Variants in CNTNAP5 observed in about 807,000 individuals in gnomAD.
The protein encoded by CNTNAP5 is contactin associated protein family member 5.
Under a neutral mutation model 150.2 loss-of-function variants are expected in CNTNAP5, and 72 were observed. The ratio of observed to expected loss-of-function variants is 0.48; its 90% CI spans 0.40 to 0.58. The LOEUF is 0.58. CNTNAP5 is among the 20% of genes least tolerant of loss of function. The pLI, the probability that CNTNAP5 is intolerant of heterozygous loss-of-function variation, is 0.00. For synonymous variants in CNTNAP5, 672 were observed against 619.8 expected (o/e 1.08, Z -1.25); for missense variants, 1,636 against 1,626.2 (o/e 1.01, Z -0.10).
At chr2:124,505,589 A>G (rs895184150) in intron 8 of CNTNAP5, among the ~76,000 whole-genome samples, 1 of 152,192 alleles carries the variant, frequency 6.6e-6, no homozygotes, top group Non-Finnish European at 1.5e-5. Flanking sequence ...GCCATGTACT[A>G]CAGATCTTAC....
chr2:124,397,361 G>A (rs926992349), intron 3 of CNTNAP5, among the ~76,000 whole-genome samples: 5 of 152,108 alleles, frequency 3.3e-5, no homozygotes, highest in South Asian at 2.1e-4. Flanking sequence ...TTCCTGGTGC[G>A]CAGGTGGCTG....
At chr2:124,084,924 G>GGTTTTTTTTTTT (rs1682645884) in intron 1 of CNTNAP5, among the ~76,000 whole-genome samples, 1 of 89,980 alleles carries the variant, frequency 1.1e-5, no homozygotes, top group Non-Finnish European at 2.0e-5. Flanking sequence ...CAAGTTTCCT[G>GGTTTTTTTTTTT]TTTTTTTTTT....
chr2:124,645,669 G>A (rs1165591504), intron 12 of CNTNAP5, among the ~76,000 whole-genome samples: 2 of 152,206 alleles, frequency 1.3e-5, no homozygotes, highest in African/African-American at 4.8e-5. Context: ...CAGAATGTTT[G>A]AGCACAGTTT....
At chr2:124,701,761 A>T (rs1679525903) in intron 13 of CNTNAP5, among the ~76,000 whole-genome samples, 3 of 152,114 alleles carry the variant, frequency 2.0e-5, no homozygotes, top group African/African-American at 7.2e-5. Flanking sequence ...TTCCTTGATG[A>T]TGAATGATGC....
chr2:124,537,021 GGTGT>G (rs1041910395), intron 10 of CNTNAP5, among the ~76,000 whole-genome samples: 1 of 151,200 alleles, frequency 6.6e-6, no homozygotes, highest in Non-Finnish European at 1.5e-5. Context: ...GACAATGTGT[GGTGT>G]GTGTGTGTGT....
At chr2:124,425,336 A>G (rs902702929) in intron 4 of CNTNAP5, among the ~76,000 whole-genome samples, 15 of 152,242 alleles carry the variant, frequency 9.9e-5, no homozygotes, top group African/African-American at 2.4e-5. Flanking sequence ...ATTGCTATTT[A>G]AATGACTCTC....
intron 1 of CNTNAP5, among the ~76,000 whole-genome samples, chr2:124,103,943 G>A (rs139030720): frequency 1.4e-4 from 20 of 145,216 alleles, no homozygotes; most frequent in African/African-American, 4.5e-4. Context: ...TATAATTTAA[G>A]CATTATATAT....
intron 1 of CNTNAP5, among the ~76,000 whole-genome samples, chr2:124,194,701 T>C (rs1182489335): frequency 1.3e-5 from 2 of 150,434 alleles, no homozygotes; most frequent in African/African-American, 4.9e-5. Flanking sequence ...ATTATAATCA[T>C]ATAACATAAT....
chr2:124,629,459 C>A (rs998945030), intron 12 of CNTNAP5, among the ~76,000 whole-genome samples: 4 of 152,190 alleles, frequency 2.6e-5, no homozygotes, highest in African/African-American at 9.7e-5. Context: ...TCCTGAATGA[C>A]TCCTGGGTAA....
chr2:124,414,764 C>G (rs2104774341), intron 3 of CNTNAP5, among the ~76,000 whole-genome samples: 1 of 151,908 alleles, frequency 6.6e-6, no homozygotes, highest in South Asian at 2.1e-4. Flanking sequence ...CAAATTATGC[C>G]AAACTCAGAA....
intron 1 of CNTNAP5, among the ~76,000 whole-genome samples, chr2:124,151,828 C>T (rs944300505): frequency 5.3e-5 from 8 of 152,116 alleles, no homozygotes; most frequent in African/African-American, 1.4e-4. Context: ...TAGTTTAGCC[C>T]GGACATACAC....
intron 19 of CNTNAP5, among the ~76,000 whole-genome samples, chr2:124,811,867 G>T (rs544688942): frequency 6.9e-6 from 1 of 145,558 alleles, no homozygotes; most frequent in African/African-American, 2.6e-5. Context: ...GCTTGAACCC[G>T]GGAGGCAGAG....
rs527412044 is a variant in CNTNAP5, at chr2:124,201,902, A to G, written c.83-19803A>G. On this transcript the variant is annotated intron_variant, in intron 1 of 23. Coordinates refer to ENST00000682447, the MANE Select transcript of CNTNAP5 (RefSeq NM_001367498.1). ...TCATCTTAGTATCAACATTGGCAAA[A>G]GTTATGGACTCTGTTCATTAGCCTC... is the stretch of plus-strand genomic sequence containing the variant. Among the ~76,000 whole-genome samples the G allele has an allele frequency of 4.6e-5, 7 of 152,280 alleles. No individual in the cohort carries two copies. The South Asian group carries it at 1.5e-3, about 32-fold the overall frequency.
intron 7 of CNTNAP5, among the ~76,000 whole-genome samples, chr2:124,478,613 G>A (rs760812224): frequency 1.4e-4 from 22 of 151,984 alleles, no homozygotes; most frequent in Non-Finnish European, 2.4e-4. Context: ...GTTAAATACC[G>A]AAGTACAAAC....
chr2:124,234,387 A>T (rs1457493801), intron 2 of CNTNAP5, among the ~76,000 whole-genome samples: 1 of 152,220 alleles, frequency 6.6e-6, no homozygotes, highest in East Asian at 1.9e-4. Flanking sequence ...TATGCAAGGT[A>T]TTCACTAGCA....
At chr2:124,848,724 T>A (rs939841651) in intron 19 of CNTNAP5, among the ~76,000 whole-genome samples, 34 of 152,326 alleles carry the variant, frequency 2.2e-4, no homozygotes, top group African/African-American at 8.2e-4. Context: ...CTTATTGTGG[T>A]CTTGATCTGC....
intron 13 of CNTNAP5, among the ~76,000 whole-genome samples, chr2:124,659,412 T>C (rs925989897): frequency 5.3e-5 from 8 of 152,168 alleles, no homozygotes. Context: ...ACAGTGGAAA[T>C]GTTTTAGCCT....
At chr2:124,278,261 TTTAA>T (rs1419105734) in intron 3 of CNTNAP5, among the ~76,000 whole-genome samples, 6 of 152,178 alleles carry the variant, frequency 3.9e-5, no homozygotes, top group Admixed American at 2.6e-4. Flanking sequence ...ATTCTACTCA[TTTAA>T]TTAATTTCTA....
intron 1 of CNTNAP5, among the ~76,000 whole-genome samples, chr2:124,173,354 G>A (rs1466860000): frequency 6.6e-6 from 1 of 152,216 alleles, no homozygotes; most frequent in Admixed American, 6.5e-5. Flanking sequence ...CTTAGCAAGG[G>A]AGACAAGACA....
Sources: allele counts gnomAD v4.1 joint callset (sites outside exome capture counted in the v4.1 genomes callset), GRCh38; gene constraint gnomAD v4.1.1; transcripts MANE v1.5; gene names NCBI Gene and HGNC (gene_info 2026-07-23, HGNC 2026-07-21).